The following RBFOX1 variants were observed in gnomAD, a reference collection of about 807,000 sequenced individuals.
RBFOX1 encodes RNA binding fox-1 homolog 1.
In RBFOX1, 8 loss-of-function variants were observed where a neutral mutation model predicts 57.7. The observed-to-expected ratio is 0.14, with a 90% confidence interval of 0.08 to 0.25. The LOEUF is 0.25. Ranked by LOEUF, RBFOX1 falls within the 10% of genes least tolerant of loss-of-function variation. The pLI, the probability that RBFOX1 is intolerant of heterozygous loss-of-function variation, is 1.00. For missense variants in RBFOX1, 611 were observed against 548.5 expected (o/e 1.11, Z -1.14); for synonymous variants, 326 against 222.4 (o/e 1.47, Z -4.15).
At chr16:6,512,509 T>A (rs1193472598) in intron 2 of RBFOX1, among the ~76,000 whole-genome samples, 2 of 152,074 alleles carry the variant, frequency 1.3e-5, no homozygotes, top group Non-Finnish European at 2.9e-5. Context: ...CAAAGAAGCC[T>A]AATGTAGAGG....
chr16:7,304,660 C>A (rs1230220216), intron 4 of RBFOX1, among the ~76,000 whole-genome samples: 2 of 152,112 alleles, frequency 1.3e-5, no homozygotes, highest in Non-Finnish European at 2.9e-5. Flanking sequence ...GGGCACCTCG[C>A]GCTGAGATGT....
At chr16:7,567,184 A>ATATCCATATACATATCCCTATATATAT (rs373288970) in intron 5 of RBFOX1, among the ~76,000 whole-genome samples, 2 of 76,686 alleles carry the variant, frequency 2.6e-5, no homozygotes, top group Admixed American at 1.7e-4. Flanking sequence ...TCCCTATATA[A>ATATCCATATACATATCCCTATATATAT]ATATCCATAT....
intron 1 of RBFOX1, among the ~76,000 whole-genome samples, chr16:5,336,417 T>G (rs187818851): frequency 1.3e-5 from 2 of 152,332 alleles, no homozygotes; most frequent in African/African-American, 2.4e-5. Context: ...ACAGGGATGA[T>G]GCTAGAGTCT....
intron 1 of RBFOX1, among the ~76,000 whole-genome samples, chr16:5,347,675 C>A (rs1000754637): frequency 6.7e-6 from 1 of 149,036 alleles, no homozygotes; most frequent in African/African-American, 2.5e-5. Flanking sequence ...CACCCTTTCA[C>A]TCAATCATGC....
intron 1 of RBFOX1, among the ~76,000 whole-genome samples, chr16:6,157,741 A>G (rs1010851882): frequency 1.3e-5 from 2 of 152,200 alleles, no homozygotes; most frequent in Non-Finnish European, 2.9e-5. Flanking sequence ...AATTGAATGT[A>G]TAGGTTTAAA....
chr16:6,858,826 A>C (rs2058374114), intron 3 of RBFOX1, among the ~76,000 whole-genome samples: 1 of 152,056 alleles, frequency 6.6e-6, no homozygotes, highest in Non-Finnish European at 1.5e-5. Context: ...GCTGGTTAGA[A>C]GTATAATCTT....
intron 3 of RBFOX1, among the ~76,000 whole-genome samples, chr16:6,846,267 C>T (rs1039262503): frequency 3.9e-5 from 6 of 152,110 alleles, no homozygotes; most frequent in African/African-American, 1.4e-4. Context: ...CGTGAATTGG[C>T]CCGAAGATCC....
intron 6 of RBFOX1, among the ~76,000 whole-genome samples, chr16:7,585,056 A>G (rs916391572): frequency 2.6e-5 from 4 of 152,344 alleles, no homozygotes; most frequent in African/African-American, 9.6e-5. Flanking sequence ...TGACAGTTGC[A>G]TCGCGGTTTT....
intron 2 of RBFOX1, among the ~76,000 whole-genome samples, chr16:5,572,206 G>A (rs926392412): frequency 6.6e-6 from 1 of 152,194 alleles, no homozygotes; most frequent in Non-Finnish European, 1.5e-5. Context: ...AGATAAGGGA[G>A]ACTTATACTT....
exon 3 of RBFOX1, chr16:5,599,749 C>T (rs1197823147): frequency 6.5e-6 from 1 of 153,486 alleles, no homozygotes; most frequent in Admixed American, 6.5e-5. Flanking sequence ...AAAAGTTTAA[C>T]ATAAAGTGAG....
chr16:6,689,098 A>G (rs1252423840), intron 3 of RBFOX1, among the ~76,000 whole-genome samples: 4 of 152,226 alleles, frequency 2.6e-5, no homozygotes, highest in African/African-American at 9.6e-5. Flanking sequence ...CAATAAACAT[A>G]CATGTGCATA....
intron 3 of RBFOX1, among the ~76,000 whole-genome samples, chr16:6,700,738 T>C (rs2061695564): frequency 6.6e-6 from 1 of 152,074 alleles, no homozygotes; most frequent in Admixed American, 6.5e-5. Flanking sequence ...AAGACAGACT[T>C]TCTTGAAACT....
downstream of RBFOX1, among the ~76,000 whole-genome samples, chr16:5,604,026 C>G (rs1454751420): frequency 6.6e-6 from 1 of 152,104 alleles, no homozygotes; most frequent in Admixed American, 6.5e-5. Flanking sequence ...TGCCATTCCC[C>G]CCTTCTATAC....
At chr16:6,739,065 C>G (rs190987149) in intron 3 of RBFOX1, among the ~76,000 whole-genome samples, 5 of 152,060 alleles carry the variant, frequency 3.3e-5, no homozygotes, top group African/African-American at 1.2e-4. Flanking sequence ...ATGTAAGCTC[C>G]TACTTCAGAC....
intron 4 of RBFOX1, among the ~76,000 whole-genome samples, chr16:5,957,463 G>C (rs2059667131): frequency 6.6e-6 from 1 of 152,098 alleles, no homozygotes; most frequent in Non-Finnish European, 1.5e-5. Flanking sequence ...CACCTCAAGT[G>C]ATCTGCCTGA....
intron 2 of RBFOX1, among the ~76,000 whole-genome samples, chr16:6,496,290 A>T (rs1767861083): frequency 6.6e-6 from 1 of 152,160 alleles, no homozygotes; most frequent in South Asian, 2.1e-4. Context: ...GGTGTGACCT[A>T]ATATTTGGAA....
At chr16:7,250,087 T>C (rs1481874363) in intron 4 of RBFOX1, among the ~76,000 whole-genome samples, 1 of 152,224 alleles carries the variant, frequency 6.6e-6, no homozygotes, top group East Asian at 1.9e-4. Context: ...CATAGGGTTT[T>C]GAACCAGTTG....
At chr16:6,629,281 A>G (rs551623670) in intron 2 of RBFOX1, among the ~76,000 whole-genome samples, 101 of 152,202 alleles carry the variant, frequency 6.6e-4, no homozygotes, top group Middle Eastern at 3.2e-3. Flanking sequence ...TTCAAAAAGA[A>G]CACGAGCATA....
At chr16:7,020,247 A>G (rs1276628399) in intron 3 of RBFOX1, among the ~76,000 whole-genome samples, 1 of 151,146 alleles carries the variant, frequency 6.6e-6, no homozygotes, top group Non-Finnish European at 1.5e-5. Context: ...CTTTTTTTAG[A>G]CAGAATCTTG....
Sources: gnomAD v4.1 joint callset for allele counts (sites outside exome capture counted in the v4.1 genomes callset) on GRCh38, gnomAD v4.1.1 for gene constraint, MANE v1.5 for transcripts, NCBI Gene and HGNC (gene_info 2026-07-23, HGNC 2026-07-21) for gene names.